ASB14: variants seen among roughly 807,000 people sequenced by gnomAD.
ASB14 encodes ankyrin repeat and SOCS box protein 14.
In ASB14, 63 loss-of-function variants were observed where a neutral mutation model predicts 55.6. The ratio of observed to expected loss-of-function variants is 1.13; its 90% CI spans 0.92 to 1.40. The LOEUF is 1.40. Ranked by LOEUF, ASB14 falls within the 40% of genes most tolerant of loss-of-function variation. ASB14 has a pLI of 0.00. For synonymous variants in ASB14, 256 were observed against 259.9 expected (o/e 0.98, Z 0.15); for missense variants, 724 against 710.4 (o/e 1.02, Z -0.22).
chr3:57,270,944 ACCTT>A (rs2060933624), intron 10 of ASB14: 1 of 152,068 alleles, frequency 6.6e-6, no homozygotes, highest in Admixed American at 6.6e-5. Flanking sequence ...TTTATGTTAA[ACCTT>A]AATTTTTTTT....
intron 5 of ASB14, 37 bp from the exon 6 acceptor site, chr3:57,283,476 G>C (rs1579431249): frequency 6.5e-7 from 1 of 1,537,844 alleles, no homozygotes; most frequent in Admixed American, 2.0e-5. Context: ...TGTTCAACGG[G>C]AAGTTAAGCC....
At position 57,276,660 on chromosome 3, in the gene ASB14, G is replaced by A. The variant is rs142947683; in HGVS notation, c.1654C>T (p.Arg552Cys). The change falls in exon 10 of 11, where the codon CGC (arginine) becomes TGC (cysteine). Residue 552 changes from arginine to cysteine, a missense_variant. Transcript: ENST00000487349. ...IRKCMGRLHL[R>C]CPVFMSFLPL... ...AGAAATGACATGAAGACAGGGCAGC[G>A]CAAATGTAACCGTCCCATGCATTTC... 154 of 1,613,856 alleles carry A rather than the reference G, an allele frequency of 9.5e-5. No homozygotes were observed. The highest frequency in any genetic ancestry group is 3.2e-5 in the Non-Finnish European group (38 of 1,179,890).
At chr3:57,269,919 C>T (rs749395913) in intron 10 of ASB14, 4 of 353,444 alleles carry the variant, frequency 1.1e-5, no homozygotes, top group Admixed American at 4.4e-5. Context: ...GAAACCTGCT[C>T]ATCTCCCTGA....
At chr3:57,276,060 TTATA>T (rs2060983222) in intron 10 of ASB14, among the ~76,000 whole-genome samples, 1 of 152,112 alleles carries the variant, frequency 6.6e-6, no homozygotes, top group African/African-American at 2.4e-5. Context: ...GACTACTGTA[TTATA>T]TATACTTCTC....
In ASB14 at chr3:57,287,898, T is replaced by C. The variant is rs1263453770; in HGVS notation, c.469+3A>G. The C allele has an allele frequency of 1.3e-6, 2 of 1,537,064 alleles. No individual in the cohort carries two copies. Among genetic ancestry groups the C allele is most frequent in the East Asian group, 2.4e-5 (1 of 40,920 alleles). On this transcript the variant is annotated splice_donor_region_variant and intron_variant, in intron 5 of 10. Transcript: ENST00000487349. Reference sequence around the variant, plus strand: ...CTCTTTCAGAAACAATGTATTCATTTACCTGCAAGAAGAGGAGAATTGCCT... The same window carrying C: ...CTCTTTCAGAAACAATGTATTCATTCACCTGCAAGAAGAGGAGAATTGCCT...
At chr3:57,279,753 G>A (rs1407117216) in intron 7 of ASB14, among the ~76,000 whole-genome samples, 1 of 152,058 alleles carries the variant, frequency 6.6e-6, no homozygotes, top group African/African-American at 2.4e-5. Flanking sequence ...AGGCCGGGAG[G>A]TTTTGCAAAA....
At chr3:57,290,524 G>A (rs1308506684) in intron 2 of ASB14, among the ~76,000 whole-genome samples, 1 of 152,174 alleles carries the variant, frequency 6.6e-6, no homozygotes, top group Non-Finnish European at 1.5e-5. Context: ...CCTTTGCCAT[G>A]TAAGGTTCCA....
intron 10 of ASB14, among the ~76,000 whole-genome samples, chr3:57,274,508 C>A (rs999972404): frequency 6.6e-6 from 1 of 151,982 alleles, no homozygotes; most frequent in Non-Finnish European, 1.5e-5. Context: ...ATGGTGAAAC[C>A]CCATCTCATC....
Position 57,286,007 on chromosome 3 carries a change from T to C in ASB14, c.469+1894A>G, listed in dbSNP as rs549735916. Among the ~76,000 whole-genome samples the C allele has an allele frequency of 4.6e-5, 7 of 152,364 alleles. No homozygotes were observed. The South Asian group carries it at 1.5e-3, about 32-fold the overall frequency. ...ACAAGAAAGTTTTTGAGATTTCCTA[T>C]GTCTGAAAATATCTTTTATGTCTTT... On this transcript the variant is annotated intron_variant, in intron 5 of 10. Transcript: ENST00000487349.
chr3:57,281,094 A>T (rs917139346), intron 6 of ASB14, among the ~76,000 whole-genome samples: 9 of 152,218 alleles, frequency 5.9e-5, no homozygotes, highest in Non-Finnish European at 1.2e-4. Flanking sequence ...TACACTTACA[A>T]GTTGCATTAT....
Position 57,292,092 on chromosome 3 carries a change from G to T in ASB14, c.-59C>A. 1 of 1,440,110 alleles carries T rather than the reference G, an allele frequency of 6.9e-7. No individual in the cohort carries two copies. The highest frequency in any genetic ancestry group is 9.2e-7 in the Non-Finnish European group (1 of 1,090,518). 89.2% of individuals were successfully genotyped at this position (1,440,110 alleles called of 1,614,324 possible). On this transcript the variant is annotated 5_prime_UTR_variant, in exon 2 of 11. Transcript: ENST00000487349. ...GTGAATTAAAAGTATTTTTCCAGTT[G>T]TGAAGAGATCAACTGCTTAAAATTA...
At chr3:57,283,582 G>T in intron 5 of ASB14, 143 bp from the exon 6 acceptor site, 1 of 802,542 alleles carries the variant, frequency 1.2e-6, no homozygotes, top group Non-Finnish European at 1.9e-6. Flanking sequence ...GAAACAGATT[G>T]TAAAGTAAGG....
At chr3:57,275,378 G>C (rs1362011087) in intron 10 of ASB14, among the ~76,000 whole-genome samples, 4 of 151,670 alleles carry the variant, frequency 2.6e-5, no homozygotes, top group Non-Finnish European at 4.4e-5. Context: ...CTTGAACCCG[G>C]GAGGCAGAGA....
In ASB14 at chr3:57,268,563, A is replaced by C. The variant is rs1013533936; in HGVS notation, c.*1078T>G. ...TTCAGCACTATGACTTTCAGATTTG[A>C]ATTTCCAAATGAAGGGCTGTTTCTG... is the stretch of plus-strand genomic sequence containing the variant. On this transcript the variant is annotated 3_prime_UTR_variant, in exon 11 of 11. Coordinates refer to ENST00000487349, the MANE Select transcript of ASB14 (RefSeq NM_001142733.3). The C allele has an allele frequency of 6.9e-7, 1 of 1,456,198 alleles. No homozygotes were observed. The highest frequency in any genetic ancestry group is 1.4e-5 in the African/African-American group (1 of 71,128). 90.2% of individuals were successfully genotyped at this position (1,456,198 alleles called of 1,614,324 possible). A position where few individuals can be genotyped will look rare whatever the true frequency, so the allele number is the denominator to read the frequency against.
chr3:57,276,174 G>A (rs373764484), intron 10 of ASB14, among the ~76,000 whole-genome samples: 1 of 150,482 alleles, frequency 6.6e-6, no homozygotes, highest in Admixed American at 6.6e-5. Flanking sequence ...ATTAAAACTG[G>A]TGTATTTCAG....
chr3:57,283,046 C>G, intron 6 of ASB14, 148 bp downstream of exon 6: 6 of 1,152,396 alleles, frequency 5.2e-6, no homozygotes, highest in Non-Finnish European at 7.2e-6. Flanking sequence ...TTAGGCTTCT[C>G]AGTAATCACT....
rs559330477 is a variant in ASB14 at position 57,278,741 on chromosome 3, C to T, written c.1067G>A (p.Arg356Lys). Reference protein sequence around the residue: ...QRINKHYDDHRKSALYFAVSN... With the variant: ...QRINKHYDDHKKSALYFAVSN... ...TACAGCAAAATACAAAGCTGACTTCCTGTGGTCATCGTAGTGTTTGTTAAT... is the reference window on the plus strand; with the variant it reads ...TACAGCAAAATACAAAGCTGACTTCTTGTGGTCATCGTAGTGTTTGTTAAT... The change falls in exon 8 of 11, where the codon AGG (arginine) becomes AAG (lysine). Residue 356 changes from arginine to lysine, a missense_variant. Transcript: ENST00000487349. 6 of 1,613,568 alleles carry T rather than the reference C, an allele frequency of 3.7e-6. No individual in the cohort carries two copies. The South Asian group carries it at 6.6e-5, about 18-fold the overall frequency.
chr3:57,275,147 C>T lies in ASB14; in HGVS notation c.*22+1381G>A, dbSNP rs531640215. 4.6e-5 allele frequency among the ~76,000 whole-genome samples: 7 copies of T among 152,160 alleles called. No individual in the cohort carries two copies. The East Asian group carries it at 5.8e-4, about 13-fold the overall frequency. ...CCCTTTGTGTGGTTTCAGTTACCTG[C>T]GGCCCAAAACTATTAAAAGGAGGCT... On this transcript the variant is annotated intron_variant, in intron 10 of 10. Coordinates refer to ENST00000487349, the MANE Select transcript of ASB14 (RefSeq NM_001142733.3).
At chr3:57,276,443 C>G (rs2060987337) in intron 10 of ASB14, 85 bp downstream of exon 10, 5 of 970,996 alleles carry the variant, frequency 5.1e-6, no homozygotes, top group Non-Finnish European at 7.6e-6. Flanking sequence ...ACTTAGACTG[C>G]ATTGAGATTT....
Sources: gnomAD v4.1 joint callset for allele counts (sites outside exome capture counted in the v4.1 genomes callset) on GRCh38, gnomAD v4.1.1 for gene constraint, MANE v1.5 for transcripts, NCBI Gene and HGNC (gene_info 2026-07-23, HGNC 2026-07-21) for gene names.